The following PARD3 variants were observed in gnomAD, a reference collection of about 807,000 sequenced individuals.
PARD3 encodes par-3 family cell polarity regulator.
A neutral mutation model predicts 155.4 loss-of-function variants in PARD3; 75 were observed. The observed-to-expected ratio is 0.48, with a 90% CI of 0.40 to 0.58. The LOEUF (loss-of-function observed/expected upper bound fraction) is 0.58. Among genes scored for constraint, PARD3 ranks in the 20% least tolerant of loss-of-function variants. The pLI is 0.00. For missense variants in PARD3, 1,642 were observed against 1,721.7 expected (o/e 0.95, Z 0.82); for synonymous variants, 576 against 610.5 (o/e 0.94, Z 0.83).
chr10:34,332,348 G>C (rs1835706193), intron 18 of PARD3, among the ~76,000 whole-genome samples: 1 of 152,094 alleles, frequency 6.6e-6, no homozygotes, highest in Admixed American at 6.6e-5. Context: ...TGAAATACCA[G>C]CTCTGCACCA....
chr10:34,191,424 A>G (rs1220577053), intron 22 of PARD3, among the ~76,000 whole-genome samples: 1 of 152,140 alleles, frequency 6.6e-6, no homozygotes, highest in African/African-American at 2.4e-5. Flanking sequence ...CACTGAAAGT[A>G]TCAACGAATC....
At chr10:34,555,770 C>A (rs756628078) in intron 2 of PARD3, among the ~76,000 whole-genome samples, 1 of 152,154 alleles carries the variant, frequency 6.6e-6, no homozygotes, top group Admixed American at 6.5e-5. Flanking sequence ...CACCTACCTA[C>A]CTAACCCCCA....
intron 22 of PARD3, among the ~76,000 whole-genome samples, chr10:34,247,655 C>T (rs916651170): frequency 6.6e-6 from 1 of 151,884 alleles, no homozygotes; most frequent in Non-Finnish European, 1.5e-5. Context: ...ATGAAAGATA[C>T]AAATATTTTG....
chr10:34,678,697 TATC>T (rs1382345110), intron 2 of PARD3, among the ~76,000 whole-genome samples: 1 of 151,496 alleles, frequency 6.6e-6, no homozygotes, highest in Non-Finnish European at 1.5e-5. Context: ...GCACAGAAAA[TATC>T]AGTATGATTT....
chr10:34,751,712 C>T (rs7086042), intron 1 of PARD3, among the ~76,000 whole-genome samples: 101,377 of 151,206 alleles, frequency 0.67, 34,102 homozygotes, highest in Non-Finnish European at 0.72. Flanking sequence ...CAAGCAATCC[C>T]CCCACTTCAG....
rs1046218668 is a variant in PARD3 at position 34,639,875 on chromosome 10, C to CCA, written c.222+56441_222+56442dup. Among the ~76,000 whole-genome samples the CCA allele has an allele frequency of 4.6e-5, 7 of 151,280 alleles. No individual in the cohort carries two copies. In the East Asian group the frequency reaches 5.8e-4, roughly 13 times the overall value. On this transcript the variant is annotated intron_variant, in intron 2 of 24. Transcript: ENST00000374788. ...AGTAAGACACACACACACACACACA[C>CCA]CACACACACACAGTAAAAGAGCAGA...
At chr10:34,751,178 A>G (rs1341506498) in intron 1 of PARD3, among the ~76,000 whole-genome samples, 2 of 151,852 alleles carry the variant, frequency 1.3e-5, no homozygotes, top group Non-Finnish European at 2.9e-5. Context: ...AAATGGGGAT[A>G]ATACCCTCAA....
intron 22 of PARD3, among the ~76,000 whole-genome samples, chr10:34,150,763 C>T (rs765104519): frequency 7.2e-5 from 11 of 152,044 alleles, no homozygotes; most frequent in Admixed American, 2.0e-4. Context: ...TCTATGAGTG[C>T]TAAGGTTTCA....
intron 3 of PARD3, among the ~76,000 whole-genome samples, chr10:34,512,398 G>A (rs76148659): frequency 0.046 from 6,941 of 152,078 alleles, 162 homozygotes; most frequent in Middle Eastern, 0.075. Context: ...CCACTGTCCC[G>A]TCTTTGGCCA....
At chr10:34,408,223 A>AT (rs1225328338) in intron 5 of PARD3, among the ~76,000 whole-genome samples, 2 of 152,144 alleles carry the variant, frequency 1.3e-5, no homozygotes, top group Non-Finnish European at 2.9e-5. Flanking sequence ...GCACAAAAAA[A>AT]AAATGAAAAT....
At chr10:34,247,097 A>T (rs1399350571) in intron 22 of PARD3, among the ~76,000 whole-genome samples, 1 of 152,010 alleles carries the variant, frequency 6.6e-6, no homozygotes, top group Non-Finnish European at 1.5e-5. Flanking sequence ...AAAAAATGAA[A>T]CCCAAGCCCT....
At chr10:34,287,580 T>C (rs1168491350) in intron 20 of PARD3, among the ~76,000 whole-genome samples, 3 of 152,214 alleles carry the variant, frequency 2.0e-5, no homozygotes, top group East Asian at 1.9e-4. Flanking sequence ...TAAAACAGTG[T>C]AGATATTTTC....
intron 20 of PARD3, among the ~76,000 whole-genome samples, chr10:34,308,655 T>A (rs1957537987): frequency 6.6e-6 from 1 of 151,836 alleles, no homozygotes; most frequent in Non-Finnish European, 1.5e-5. Context: ...GTCTGGTTGA[T>A]CTCCAAGTGA....
chr10:34,682,201 T>A (rs532572262), intron 2 of PARD3, among the ~76,000 whole-genome samples: 4 of 152,210 alleles, frequency 2.6e-5, no homozygotes, highest in Admixed American at 2.6e-4. Context: ...AAAAGAAGTA[T>A]CTCTTGACAA....
chr10:34,812,236 T>C (rs1844274614), intron 1 of PARD3, among the ~76,000 whole-genome samples: 1 of 152,212 alleles, frequency 6.6e-6, no homozygotes, highest in South Asian at 2.1e-4. Context: ...AGTTGGGACC[T>C]TTCTCTTTTC....
At chr10:34,179,799 T>C (rs1950191860) in intron 22 of PARD3, among the ~76,000 whole-genome samples, 1 of 152,204 alleles carries the variant, frequency 6.6e-6, no homozygotes, top group Non-Finnish European at 1.5e-5. Flanking sequence ...AACCATATTA[T>C]ATTTTAATAG....
chr10:34,187,610 A>G, intron 22 of PARD3, among the ~76,000 whole-genome samples: 1 of 152,216 alleles, frequency 6.6e-6, no homozygotes, highest in East Asian at 1.9e-4. Flanking sequence ...AGTTTAGGGG[A>G]GTGATGTAAA....
intron 2 of PARD3, among the ~76,000 whole-genome samples, chr10:34,518,798 A>G (rs2081946457): frequency 6.6e-6 from 1 of 152,196 alleles, no homozygotes; most frequent in South Asian, 2.1e-4. Flanking sequence ...ATGGGTGTGA[A>G]TATGATAATA....
chr10:34,814,515 T>G (rs1329541190), intron 1 of PARD3, among the ~76,000 whole-genome samples: 1 of 151,724 alleles, frequency 6.6e-6, no homozygotes, highest in Non-Finnish European at 1.5e-5. Flanking sequence ...TTTCCCGGCC[T>G]GCGCCCCCCG....
Sources: gnomAD v4.1 joint callset for allele counts (sites outside exome capture counted in the v4.1 genomes callset) on GRCh38, gnomAD v4.1.1 for gene constraint, MANE v1.5 for transcripts, NCBI Gene and HGNC (gene_info 2026-07-23, HGNC 2026-07-21) for gene names.